GNB4: variants seen among roughly 807,000 people sequenced by gnomAD.
GNB4 encodes G protein subunit beta 4.
Under a neutral mutation model 45.2 loss-of-function variants are expected in GNB4, and 28 were observed. The ratio of observed to expected loss-of-function variants is 0.62; its 90% CI spans 0.46 to 0.85. GNB4 has a LOEUF of 0.85. GNB4 is among the 40% of genes least tolerant of loss of function. GNB4 has a pLI of 0.00. For missense variants in GNB4, 321 were observed against 425.4 expected (o/e 0.75, Z 2.16); for synonymous variants, 132 against 143.7 (o/e 0.92, Z 0.58).
chr3:179,402,747 G>C (rs1287740112), intron 9 of GNB4, among the ~76,000 whole-genome samples: 1 of 152,170 alleles, frequency 6.6e-6, no homozygotes, highest in Non-Finnish European at 1.5e-5. Flanking sequence ...GTCCCTACTA[G>C]GTAGAACCAG....
chr3:179,438,808 G>T (rs1271194898), intron 1 of GNB4, among the ~76,000 whole-genome samples: 1 of 152,130 alleles, frequency 6.6e-6, no homozygotes, highest in Admixed American at 6.5e-5. Flanking sequence ...GGGGGAGAGA[G>T]AATAGAAGAA....
chr3:179,401,723 T>C (rs1714309613), intron 9 of GNB4, among the ~76,000 whole-genome samples: 1 of 152,230 alleles, frequency 6.6e-6, no homozygotes, highest in African/African-American at 2.4e-5. Context: ...TGAAGTTCAC[T>C]GAAGGAGCCC....
the GNB4 span, among the ~76,000 whole-genome samples, chr3:179,491,868 A>G: frequency 6.6e-6 from 1 of 152,238 alleles, no homozygotes; most frequent in Non-Finnish European, 1.5e-5. Flanking sequence ...ACAGCTAGGT[A>G]TCAATGTAAT....
the GNB4 span, among the ~76,000 whole-genome samples, chr3:179,461,696 C>T: frequency 2.6e-5 from 4 of 152,196 alleles, no homozygotes; most frequent in Admixed American, 6.5e-5. Context: ...TCCTTCTACA[C>T]TAACTAAAAA....
the GNB4 span, among the ~76,000 whole-genome samples, chr3:179,501,300 T>C: frequency 6.4e-5 from 2 of 31,132 alleles, no homozygotes; most frequent in Admixed American, 7.1e-4. Flanking sequence ...TTGCCTACAT[T>C]TTTTTTTTTT....
chr3:179,466,929 C>T, the GNB4 span, among the ~76,000 whole-genome samples: 1 of 152,168 alleles, frequency 6.6e-6, no homozygotes, highest in Admixed American at 6.5e-5. Flanking sequence ...CCCTAATCAG[C>T]CAGGTTTTAA....
At chr3:179,461,128 G>C in the GNB4 span, among the ~76,000 whole-genome samples, 4 of 152,152 alleles carry the variant, frequency 2.6e-5, no homozygotes, top group Non-Finnish European at 4.4e-5. Flanking sequence ...CCATCTCCTT[G>C]GCCTGCGTCT....
At chr3:179,498,488 G>C in the GNB4 span, among the ~76,000 whole-genome samples, 5 of 152,302 alleles carry the variant, frequency 3.3e-5, no homozygotes, top group East Asian at 9.7e-4. Context: ...CCAGGCTGGA[G>C]TGCAGTGGCG....
At chr3:179,508,683 T>C in the GNB4 span, among the ~76,000 whole-genome samples, 1 of 152,030 alleles carries the variant, frequency 6.6e-6, no homozygotes, top group African/African-American at 2.4e-5. Flanking sequence ...TTTAACTCTA[T>C]ATCAAGTTAG....
At chr3:179,462,415 G>T in the GNB4 span, among the ~76,000 whole-genome samples, 4 of 152,136 alleles carry the variant, frequency 2.6e-5, no homozygotes, top group Non-Finnish European at 4.4e-5. Context: ...AATAAGCATG[G>T]CATACTTGAA....
intron 1 of GNB4, among the ~76,000 whole-genome samples, chr3:179,444,650 T>C (rs893689208): frequency 1.3e-5 from 2 of 152,122 alleles, no homozygotes; most frequent in African/African-American, 4.8e-5. Flanking sequence ...AAGTCAAGGC[T>C]GTAGTAAGCC....
the GNB4 span, among the ~76,000 whole-genome samples, chr3:179,474,789 T>A: frequency 7.2e-6 from 1 of 138,558 alleles, no homozygotes; most frequent in East Asian, 2.6e-4. Context: ...TCTCAATATG[T>A]CATCCCCACT....
rs200492939 is a variant in GNB4 at position 179,415,746 on chromosome 3, A to AT, written c.268-700dup. On this transcript the variant is annotated intron_variant, in intron 5 of 9. Transcript: ENST00000232564. ...ACCTAAAATAATACGCTTAAAATAC[A>AT]TTTTTTTTGTTTTATGAAAATATAG... is the stretch of plus-strand genomic sequence containing the variant. Among the ~76,000 whole-genome samples the AT allele has an allele frequency of 4.3e-3, 659 of 152,030 alleles. 4 individuals are homozygous for AT. The highest frequency in any genetic ancestry group is 0.014 in the African/African-American group (597 of 41,496).
At position 179,398,833 on chromosome 3, in the gene GNB4, T is replaced by C. The variant is rs983698593; in HGVS notation, c.*2380A>G. 8 of 146,282 alleles carry C rather than the reference T, an allele frequency of 5.5e-5. No homozygotes were observed. The highest frequency in any genetic ancestry group is 1.7e-4 in the African/African-American group (7 of 40,150). 9.1% of individuals were successfully genotyped at this position (146,282 alleles called of 1,614,324 possible). On this transcript the variant is annotated 3_prime_UTR_variant, in exon 10 of 10. Transcript: ENST00000232564. ...GTTTATGTGTATAATTAACCACAAG[T>C]GTTAAATAGTTTTTAGTTGCCGAGT... is the stretch of plus-strand genomic sequence containing the variant.
chr3:179,498,310 A>G, the GNB4 span, among the ~76,000 whole-genome samples: 1 of 152,216 alleles, frequency 6.6e-6, no homozygotes, highest in Non-Finnish European at 1.5e-5. Flanking sequence ...GAGAGCAGGA[A>G]TGGTCAGAGG....
rs1003932177 is a variant in GNB4 at position 179,447,638 on chromosome 3, T to C, written c.-43+3708A>G. 2.6e-5 allele frequency among the ~76,000 whole-genome samples: 4 copies of C among 152,206 alleles called. No individual in the cohort carries two copies. In the South Asian group the frequency reaches 6.2e-4, roughly 24 times the overall value. On this transcript the variant is annotated intron_variant, in intron 1 of 9. Coordinates refer to ENST00000232564, the MANE Select transcript of GNB4 (RefSeq NM_021629.4). ...CAGAGAGTGGAAGCTGACAAACCAGTTGGGGGGCTCCTGCAGTCATCCAGG... is the reference window on the plus strand; with the variant it reads ...CAGAGAGTGGAAGCTGACAAACCAGCTGGGGGGCTCCTGCAGTCATCCAGG...
the GNB4 span, chr3:179,464,478 C>A: frequency 1.9e-6 from 3 of 1,611,088 alleles, no homozygotes; most frequent in Non-Finnish European, 1.7e-6. Context: ...TGGAAGGAAA[C>A]TGGCCCAGCA....
intron 1 of GNB4, among the ~76,000 whole-genome samples, chr3:179,440,720 G>A (rs1715572133): frequency 6.6e-6 from 1 of 151,982 alleles, no homozygotes; most frequent in African/African-American, 2.4e-5. Flanking sequence ...AACAGGGATG[G>A]TAAATTCCAT....
chr3:179,401,314 G>GGT lies in GNB4; in HGVS notation c.921_922insAC (p.Leu308ThrfsTer9). ...CTCACACGGTTGTCATGACCAGCAA[G>GGT]GACACCTGAAAAAAAAATTCAGTAA... On this transcript the variant is annotated frameshift_variant, in exon 10 of 10. Coordinates refer to ENST00000232564, the MANE Select transcript of GNB4 (RefSeq NM_021629.4). LOFTEE classifies it high-confidence loss of function. The GGT allele has an allele frequency of 6.2e-7, 1 of 1,605,010 alleles. No individual in the cohort carries two copies. Among genetic ancestry groups the GGT allele is most frequent in the Non-Finnish European group, 8.5e-7 (1 of 1,175,640 alleles).
Sources: gnomAD v4.1 joint callset for allele counts (sites outside exome capture counted in the v4.1 genomes callset) on GRCh38, gnomAD v4.1.1 for gene constraint, MANE v1.5 for transcripts, NCBI Gene and HGNC (gene_info 2026-07-23, HGNC 2026-07-21) for gene names.